The following VPS41 variants were observed in gnomAD, a reference collection of about 807,000 sequenced individuals.
VPS41 encodes vacuolar protein sorting-associated protein 41 homolog.
A neutral mutation model predicts 130.9 loss-of-function variants in VPS41; 85 were observed. The observed-to-expected ratio is 0.65, with a 90% CI of 0.55 to 0.78. VPS41 has a LOEUF of 0.78. Among genes scored for constraint, VPS41 ranks in the 30% least tolerant of loss-of-function variants. The pLI, the probability that VPS41 is intolerant of heterozygous loss-of-function variation, is 0.00. For missense variants in VPS41, 874 were observed against 1,018.7 expected (o/e 0.86, Z 1.93); for synonymous variants, 335 against 332.9 (o/e 1.01, Z -0.07).
chr7:38,742,354 G>A (rs887092143), intron 24 of VPS41, among the ~76,000 whole-genome samples: 2 of 152,110 alleles, frequency 1.3e-5, no homozygotes, highest in African/African-American at 2.4e-5. Context: ...AATAAGAACT[G>A]TTTTAAAACA....
At chr7:38,872,071 C>T (rs866249001) in intron 2 of VPS41, among the ~76,000 whole-genome samples, 6 of 152,152 alleles carry the variant, frequency 3.9e-5, no homozygotes, top group African/African-American at 9.6e-5. Flanking sequence ...CTTCTCACGG[C>T]GTTGCAGACA....
At chr7:38,773,276 T>G (rs1405225652) in intron 12 of VPS41, among the ~76,000 whole-genome samples, 2 of 151,440 alleles carry the variant, frequency 1.3e-5, no homozygotes, top group African/African-American at 4.9e-5. Flanking sequence ...GGTTTCTAAG[T>G]GTGCAGGAGA....
Position 38,783,092 on chromosome 7 carries a change from C to A in VPS41, c.785-6316G>T, listed in dbSNP as rs147092072. On this transcript the variant is annotated intron_variant, in intron 10 of 28. Transcript: ENST00000310301. ...GTAGTAAGCTGAGATCCTGCCACTG[C>A]ACACCAGCCTGGGTGATAGAGCGAG... 8.3e-3 allele frequency among the ~76,000 whole-genome samples: 1,254 copies of A among 151,698 alleles called. 18 individuals are homozygous for A. Among genetic ancestry groups the A allele is most frequent in the African/African-American group, 0.029 (1,202 of 41,326 alleles).
Position 38,754,704 on chromosome 7 carries a change from C to A in VPS41, c.1786G>T (p.Val596Leu), listed in dbSNP as rs986570403. The A allele has an allele frequency of 9.9e-6, 16 of 1,613,184 alleles. No homozygotes were observed. In the African/African-American group the frequency reaches 1.3e-4, roughly 13 times the overall value. The change falls in exon 21 of 29, where the codon GTG (valine) becomes TTG (leucine). Residue 596 changes from valine to leucine, a missense_variant and splice_region_variant. Val to Leu is a conservative substitution (Grantham distance 32, BLOSUM62 1). Coordinates refer to ENST00000310301, the MANE Select transcript of VPS41 (RefSeq NM_014396.4). ...AAGGAGGAGACTGCCATGCTCACCACATGCTGTAGCTCTGGTCTGTCTTCC... is the reference window on the plus strand; with the variant it reads ...AAGGAGGAGACTGCCATGCTCACCAAATGCTGTAGCTCTGGTCTGTCTTCC... ...ELEDRPELQH[V>L]YLHKLFKRDH... is the part of the protein sequence containing the mutation.
rs946055819 is a variant in VPS41 at position 38,758,471 on chromosome 7, G to C, written c.1433C>G (p.Thr478Arg). ...FLESDYEGFA[T>R]LIREWPGDLY... The stretch of plus-strand genomic sequence containing the variant: ...ATCTCCAGGCCATTCTCGGATCAAT[G>C]TGGCAAAACCCTAACCAAAGGTGAA... The change falls in exon 18 of 29, where the codon ACA (threonine) becomes AGA (arginine). Residue 478 changes from threonine (T) to arginine (R), a missense_variant. Coordinates refer to ENST00000310301, the MANE Select transcript of VPS41 (RefSeq NM_014396.4). 2 of 1,612,188 alleles carry C rather than the reference G, an allele frequency of 1.2e-6. No homozygotes were observed.
intron 1 of VPS41, among the ~76,000 whole-genome samples, chr7:38,900,260 T>TAAAAC (rs1223494979): frequency 2.0e-5 from 3 of 151,942 alleles, no homozygotes; most frequent in Admixed American, 6.6e-5. Flanking sequence ...CTGTCTCGAT[T>TAAAAC]AAAACAAAAC....
intron 25 of VPS41, among the ~76,000 whole-genome samples, chr7:38,738,852 C>T (rs1161819610): frequency 6.6e-6 from 1 of 152,216 alleles, no homozygotes; most frequent in African/African-American, 2.4e-5. Flanking sequence ...AAATTAAACA[C>T]TGCTGATGTA....
In VPS41 at chr7:38,886,079, G is replaced by A. The variant is rs553868696; in HGVS notation, c.60+12012C>T. On this transcript the variant is annotated intron_variant, in intron 2 of 28. Coordinates refer to ENST00000310301, the MANE Select transcript of VPS41 (RefSeq NM_014396.4). ...ACAGCTCCGGTCTACAGCTCCCAGC[G>A]AGACTGATGCAGAAGATGGGTGATT... Among the ~76,000 whole-genome samples the A allele has an allele frequency of 7.0e-4, 107 of 152,110 alleles. No individual in the cohort carries two copies. The South Asian group carries it at 9.2e-3, about 13-fold the overall frequency.
chr7:38,756,585 A>T (rs1458928556), intron 19 of VPS41, among the ~76,000 whole-genome samples: 5 of 152,222 alleles, frequency 3.3e-5, no homozygotes, highest in Non-Finnish European at 7.3e-5. Context: ...TTATATGCGC[A>T]CACACACAAC....
intron 2 of VPS41, among the ~76,000 whole-genome samples, chr7:38,897,216 T>C (rs1452315391): frequency 7.7e-6 from 1 of 129,098 alleles, no homozygotes; most frequent in Non-Finnish European, 1.7e-5. Context: ...AAAAAAAATT[T>C]ATATTATGCT....
At chr7:38,828,862 G>A (rs1274456631) in intron 5 of VPS41, among the ~76,000 whole-genome samples, 1 of 152,000 alleles carries the variant, frequency 6.6e-6, no homozygotes, top group African/African-American at 2.4e-5. Context: ...ATTCCACTTT[G>A]GTGCATTAAA....
chr7:38,899,660 T>A (rs2116445340), intron 1 of VPS41, among the ~76,000 whole-genome samples: 1 of 152,254 alleles, frequency 6.6e-6, no homozygotes, highest in Non-Finnish European at 1.5e-5. Flanking sequence ...ACCACTGGGG[T>A]TGGAAGAGTG....
Position 38,881,105 on chromosome 7 carries a change from C to A in VPS41, c.61-11852G>T, listed in dbSNP as rs115134831. On this transcript the variant is annotated intron_variant, in intron 2 of 28. Coordinates refer to ENST00000310301, the MANE Select transcript of VPS41 (RefSeq NM_014396.4). The stretch of plus-strand genomic sequence containing the variant: ...ATGTGACAAACTTAGTAGTATGAAG[C>A]GACACAAATTTGTTGTCGTACAGTG... Among the ~76,000 whole-genome samples the A allele has an allele frequency of 1.1e-3, 163 of 152,238 alleles. 1 individual carries two copies. Among genetic ancestry groups the A allele is most frequent in the Admixed American group, 3.2e-3 (49 of 15,288 alleles).
chr7:38,832,986 C>A (rs533518949), intron 4 of VPS41, among the ~76,000 whole-genome samples: 1 of 152,284 alleles, frequency 6.6e-6, no homozygotes, highest in East Asian at 1.9e-4. Flanking sequence ...AATATTCCCT[C>A]TGGAAAGGGC....
chr7:38,871,135 A>G (rs188650652), intron 2 of VPS41, among the ~76,000 whole-genome samples: 7 of 152,342 alleles, frequency 4.6e-5, no homozygotes, highest in African/African-American at 1.2e-4. Flanking sequence ...TCCAAAACTG[A>G]TAAGACATCA....
chr7:38,752,164 T>C lies in VPS41; in HGVS notation c.1926+12A>G, dbSNP rs913403601. 4.3e-6 allele frequency: 7 copies of C among 1,613,178 alleles called. No homozygotes were observed. The Admixed American group carries it at 8.3e-5, about 19-fold the overall frequency. On this transcript the variant is annotated intron_variant, in intron 22 of 28. Coordinates refer to ENST00000310301, the MANE Select transcript of VPS41 (RefSeq NM_014396.4). Reference sequence around the variant, plus strand: ...CATCCAAAGTGTACAAGTCGGGGAGTCTGTGCCTTACCTTTTCAAGTGGGC... The same window carrying C: ...CATCCAAAGTGTACAAGTCGGGGAGCCTGTGCCTTACCTTTTCAAGTGGGC...
intron 17 of VPS41, among the ~76,000 whole-genome samples, chr7:38,760,247 G>A (rs1237172962): frequency 1.3e-5 from 2 of 152,134 alleles, no homozygotes; most frequent in African/African-American, 4.8e-5. Context: ...AGACAGTAAA[G>A]AGAATTAAAA....
chr7:38,752,105 A>C (rs955082025), intron 22 of VPS41, 71 bp downstream of exon 22: 5 of 1,591,796 alleles, frequency 3.1e-6, no homozygotes, highest in African/African-American at 2.7e-5. Context: ...AAAGAGAAGA[A>C]AGACAAACAA....
chr7:38,804,086 C>T (rs1044497413), intron 7 of VPS41, among the ~76,000 whole-genome samples: 1 of 152,178 alleles, frequency 6.6e-6, no homozygotes, highest in Non-Finnish European at 1.5e-5. Context: ...CGACGGAAAA[C>T]CTCTGTGCAC....
Sources: allele counts gnomAD v4.1 joint callset (sites outside exome capture counted in the v4.1 genomes callset), GRCh38; gene constraint gnomAD v4.1.1; transcripts MANE v1.5; gene names NCBI Gene and HGNC (gene_info 2026-07-23, HGNC 2026-07-21).